ADAMTSL1: variants seen among roughly 807,000 people sequenced by gnomAD.
The protein encoded by ADAMTSL1 is ADAMTS-like protein 1.
ADAMTSL1 carries 126 observed loss-of-function variants against 201.8 expected under a neutral mutation model. The ratio of observed to expected loss-of-function variants is 0.62; its 90% CI spans 0.54 to 0.72. The LOEUF (loss-of-function observed/expected upper bound fraction) is 0.72. Ranked by LOEUF, ADAMTSL1 falls within the 30% of genes least tolerant of loss-of-function variation. The pLI, the probability that ADAMTSL1 is intolerant of heterozygous loss-of-function variation, is 0.00. For missense variants in ADAMTSL1, 2,679 were observed against 2,277.8 expected, an observed-to-expected ratio of 1.18 and a Z score of -3.59; for synonymous variants, 1,121 against 903.4, an observed-to-expected ratio of 1.24 and a Z score of -4.32.
intron 23 of ADAMTSL1, among the ~76,000 whole-genome samples, chr9:18,831,973 G>A (rs901707987): frequency 5.9e-5 from 9 of 152,174 alleles, no homozygotes; most frequent in African/African-American, 2.2e-4. Flanking sequence ...GAAGAGAAAT[G>A]GGCACTCAAG....
Position 17,978,899 on chromosome 9 carries a change from G to A in ADAMTSL1, c.87+71977G>A, listed in dbSNP as rs1396691297. Among the ~76,000 whole-genome samples the A allele has an allele frequency of 4.6e-5, 7 of 151,906 alleles. No homozygotes were observed. The East Asian group carries it at 1.4e-3, about 29-fold the overall frequency. On this transcript the variant is annotated intron_variant, in intron 1 of 29. Transcript: ENST00000680146. ...TCCTTCAGTTCTTGTTTGTCTGAGAGAGTCTTTAATTCTCCTTCATTTGAA... is the reference window on the plus strand; with the variant it reads ...TCCTTCAGTTCTTGTTTGTCTGAGAAAGTCTTTAATTCTCCTTCATTTGAA...
rs576575517 is a variant in ADAMTSL1 at position 18,739,818 on chromosome 9, C to A, written c.2007-13480C>A. Among the ~76,000 whole-genome samples, 3 of 152,112 alleles carry A rather than the reference C, an allele frequency of 2.0e-5. No homozygotes were observed. The East Asian group carries it at 5.8e-4, about 29-fold the overall frequency. The stretch of plus-strand genomic sequence containing the variant: ...GCCTGTGCAAACAGCAGGCACTGCC[C>A]ACAGGGGTGTGTATGTGTATGTATC... On this transcript the variant is annotated intron_variant, in intron 15 of 28. Coordinates refer to ENST00000380548, the MANE Select transcript of ADAMTSL1 (RefSeq NM_001040272.6).
At chr9:18,637,885 A>G (rs1020974790) in intron 6 of ADAMTSL1, among the ~76,000 whole-genome samples, 1 of 152,128 alleles carries the variant, frequency 6.6e-6, no homozygotes, top group African/African-American at 2.4e-5. Flanking sequence ...CCTCTTGATA[A>G]AATGGAATCA....
chr9:18,294,532 A>C (rs1833396486), intron 2 of ADAMTSL1, among the ~76,000 whole-genome samples: 1 of 152,100 alleles, frequency 6.6e-6, no homozygotes, highest in Non-Finnish European at 1.5e-5. Context: ...GCCTTTTTCC[A>C]GGTTTGCACA....
At chr9:18,051,266 A>G (rs765822406) in intron 1 of ADAMTSL1, among the ~76,000 whole-genome samples, 20 of 152,192 alleles carry the variant, frequency 1.3e-4, no homozygotes, top group Non-Finnish European at 2.2e-4. Flanking sequence ...GTGCCACTGC[A>G]CTCCAGGCTG....
At chr9:18,548,720 GT>G (rs1223946696) in intron 3 of ADAMTSL1, among the ~76,000 whole-genome samples, 3 of 151,908 alleles carry the variant, frequency 2.0e-5, no homozygotes, top group Admixed American at 6.6e-5. Context: ...TTGACTTTAT[GT>G]TGAAAAGAAA....
At chr9:18,072,461 A>G (rs951796464) in intron 1 of ADAMTSL1, among the ~76,000 whole-genome samples, 1 of 152,182 alleles carries the variant, frequency 6.6e-6, no homozygotes, top group African/African-American at 2.4e-5. Flanking sequence ...AGACCTGCAA[A>G]TATTGACCTA....
chr9:18,425,290 T>A (rs955764898), intron 2 of ADAMTSL1, among the ~76,000 whole-genome samples: 1 of 152,108 alleles, frequency 6.6e-6, no homozygotes, highest in African/African-American at 2.4e-5. Flanking sequence ...ATTAGAGTAA[T>A]GTGAGTTTTC....
intron 2 of ADAMTSL1, among the ~76,000 whole-genome samples, chr9:18,281,378 A>T (rs577834726): frequency 3.3e-5 from 5 of 152,216 alleles, no homozygotes; most frequent in East Asian, 1.9e-4. Flanking sequence ...TCACCAGACT[A>T]TGGAGAATTC....
intron 23 of ADAMTSL1, among the ~76,000 whole-genome samples, chr9:18,871,100 G>A (rs961616547): frequency 6.6e-6 from 1 of 152,020 alleles, no homozygotes; most frequent in Admixed American, 6.6e-5. Flanking sequence ...GTAATATTTT[G>A]ATTATACAAA....
chr9:18,135,952 C>T (rs1474570945), intron 1 of ADAMTSL1, among the ~76,000 whole-genome samples: 1 of 152,170 alleles, frequency 6.6e-6, no homozygotes, highest in African/African-American at 2.4e-5. Context: ...TATAGACTTT[C>T]TCTCATTTAA....
At chr9:18,882,874 C>A (rs1219749100) in intron 23 of ADAMTSL1, among the ~76,000 whole-genome samples, 1 of 151,860 alleles carries the variant, frequency 6.6e-6, no homozygotes, top group East Asian at 1.9e-4. Flanking sequence ...TGCCTGTAAT[C>A]CTAGCTATTT....
intron 1 of ADAMTSL1, among the ~76,000 whole-genome samples, chr9:17,988,943 C>A (rs13287140): frequency 3.3e-5 from 5 of 151,778 alleles, no homozygotes; most frequent in Non-Finnish European, 7.4e-5. Context: ...CTCCCTTTCC[C>A]ATGCATGACA....
chr9:18,790,204 C>A (rs1012650171), intron 19 of ADAMTSL1, among the ~76,000 whole-genome samples: 5 of 152,176 alleles, frequency 3.3e-5, no homozygotes, highest in African/African-American at 9.6e-5. Context: ...CGCAAGAACA[C>A]TGTGAGGTCA....
chr9:18,557,432 T>C (rs2132257978), intron 3 of ADAMTSL1, among the ~76,000 whole-genome samples: 1 of 152,216 alleles, frequency 6.6e-6, no homozygotes, highest in African/African-American at 2.4e-5. Context: ...GGCCTGACCT[T>C]GACTTTGCAA....
rs922480123 is a variant in ADAMTSL1, at chr9:18,607,257, C to T, written c.475-14986C>T. Among the ~76,000 whole-genome samples the T allele has an allele frequency of 1.1e-4, 17 of 152,116 alleles. 1 individual carries two copies. Among genetic ancestry groups the T allele is most frequent in the Admixed American group, 7.2e-4 (11 of 15,260 alleles). ...CACCTACAGAATATAGTTCAACTTT[C>T]GATTGTAAAATTTTAATGTTGAAAA... On this transcript the variant is annotated intron_variant, in intron 4 of 28. Coordinates refer to ENST00000380548, the MANE Select transcript of ADAMTSL1 (RefSeq NM_001040272.6).
intron 3 of ADAMTSL1, among the ~76,000 whole-genome samples, chr9:18,543,093 C>G (rs1010579743): frequency 8.5e-5 from 13 of 152,258 alleles, no homozygotes; most frequent in African/African-American, 3.1e-4. Flanking sequence ...GTTCTTTGGC[C>G]AAATACTTGA....
At position 18,504,844 on chromosome 9, in the gene ADAMTSL1, C is replaced by T. The variant is rs780536559; in HGVS notation, c.79C>T (p.Arg27Cys). 1.9e-6 allele frequency: 3 copies of T among 1,614,170 alleles called. No individual in the cohort carries two copies. Among genetic ancestry groups the T allele is most frequent in the East Asian group, 2.2e-5 (1 of 44,880 alleles). ...AFLLLSSRTARSEEDRDGLWD... is the reference protein window; with the variant it reads ...AFLLLSSRTACSEEDRDGLWD... ...TTTCTCACAGAGTTCCAGGACCGCACGCTCCGAGGAGGACCGGGACGGCCT... is the reference window on the plus strand; with the variant it reads ...TTTCTCACAGAGTTCCAGGACCGCATGCTCCGAGGAGGACCGGGACGGCCT... Residue 27 changes from arginine to cysteine, a missense_variant, in exon 2 of 29, where the codon CGC (arginine) becomes TGC (cysteine). Arg to Cys is a radical substitution (Grantham distance 180). Coordinates refer to ENST00000380548, the MANE Select transcript of ADAMTSL1 (RefSeq NM_001040272.6).
intron 7 of ADAMTSL1, among the ~76,000 whole-genome samples, chr9:18,643,883 G>A (rs1827606768): frequency 6.6e-6 from 1 of 151,542 alleles, no homozygotes; most frequent in Non-Finnish European, 1.5e-5. Flanking sequence ...GGTTCCATTT[G>A]AATTTTAGGG....
Sources: gnomAD v4.1 joint callset for allele counts (sites outside exome capture counted in the v4.1 genomes callset) on GRCh38, gnomAD v4.1.1 for gene constraint, MANE v1.5 for transcripts, NCBI Gene and HGNC (gene_info 2026-07-23, HGNC 2026-07-21) for gene names.